SLC9A4: variants seen among roughly 807,000 people sequenced by gnomAD.
SLC9A4 encodes sodium/hydrogen exchanger 4.
SLC9A4 carries 63 observed loss-of-function variants against 67.4 expected under a neutral mutation model. That is an observed-to-expected ratio of 0.93 (90% CI 0.76 to 1.15). The LOEUF (loss-of-function observed/expected upper bound fraction) is 1.15, where lower values mean the gene tolerates loss of function less well. SLC9A4 is among the 50% of genes most tolerant of loss of function. The probability of loss-of-function intolerance (pLI) is 0.00; values close to 1 mark genes in which losing one functional copy is unlikely to be tolerated. For synonymous variants in SLC9A4, 393 were observed against 367.2 expected (o/e 1.07, Z -0.80); for missense variants, 1,089 against 987.7 (o/e 1.10, Z -1.38).
intron 4 of SLC9A4, among the ~76,000 whole-genome samples, chr2:102,506,456 A>G (rs1236038187): frequency 6.6e-6 from 1 of 152,212 alleles, no homozygotes; most frequent in Admixed American, 6.5e-5. Flanking sequence ...GGAATACAGA[A>G]ATATTAAAAT....
intron 3 of SLC9A4, 118 bp from the exon 4 acceptor site, chr2:102,505,136 G>A: frequency 1.2e-6 from 1 of 867,968 alleles, no homozygotes; most frequent in Non-Finnish European, 1.8e-6. Context: ...AAGGGAATAA[G>A]GGAGATATTC....
intron 4 of SLC9A4, among the ~76,000 whole-genome samples, chr2:102,506,697 G>C (rs1256456496): frequency 6.6e-6 from 1 of 152,132 alleles, no homozygotes; most frequent in Non-Finnish European, 1.5e-5. Context: ...GGGACTCTGG[G>C]AATCTACAGG....
At chr2:102,500,689 G>A (rs1684911844) in intron 2 of SLC9A4, among the ~76,000 whole-genome samples, 1 of 152,172 alleles carries the variant, frequency 6.6e-6, no homozygotes, top group African/African-American at 2.4e-5. Context: ...ACATAAGGGA[G>A]TAACAAAAAG....
chr2:102,502,450 A>T (rs2104431781), intron 2 of SLC9A4, among the ~76,000 whole-genome samples: 1 of 152,320 alleles, frequency 6.6e-6, no homozygotes, highest in East Asian at 1.9e-4. Flanking sequence ...TAGGTTAAAT[A>T]AAAAATGTGA....
chr2:102,525,066 G>A lies in SLC9A4; in HGVS notation c.1861G>A (p.Glu621Lys). 6.2e-7 allele frequency: 1 copy of A among 1,614,088 alleles called. No homozygotes were observed. Among genetic ancestry groups the A allele is most frequent in the Non-Finnish European group, 8.5e-7 (1 of 1,180,002 alleles). The change falls in exon 10 of 12, where the codon GAG becomes AAG. Residue 621 changes from glutamate (E) to lysine (K), a missense_variant. Glu to Lys is a moderately conservative substitution (Grantham distance 56, BLOSUM62 1). Transcript: ENST00000295269. ...ATACAACCTCAAACCCCAAACAAGT[G>A]AGAAGCAGGCTAAAGAGATTCTGAT... ...NKYNLKPQTS[E>K]KQAKEILIRR...
At chr2:102,523,217 A>T (rs1036223442) in intron 9 of SLC9A4, among the ~76,000 whole-genome samples, 12 of 151,800 alleles carry the variant, frequency 7.9e-5, no homozygotes, top group African/African-American at 2.9e-4. Flanking sequence ...TCAGTGATCC[A>T]CTTGTCTTGG....
chr2:102,473,521 T>C lies in SLC9A4; in HGVS notation c.-239T>C. 3.8e-6 allele frequency: 2 copies of C among 526,594 alleles called. No individual in the cohort carries two copies. The highest frequency in any genetic ancestry group is 6.7e-6 in the Non-Finnish European group (2 of 298,188). The allele number at this position is 526,594 out of a possible 1,614,324, so 32.6% of individuals were successfully genotyped here. ...AGCTCCATGGACTTTAACAAGTCTA[T>C]TGAATAACTGCATTTGAGTTGGAAG... is the stretch of plus-strand genomic sequence containing the variant. On this transcript the variant is annotated 5_prime_UTR_variant, in exon 1 of 12. Transcript: ENST00000295269.
intron 8 of SLC9A4, among the ~76,000 whole-genome samples, chr2:102,518,442 A>G (rs1685323052): frequency 6.6e-6 from 1 of 152,224 alleles, no homozygotes; most frequent in Non-Finnish European, 1.5e-5. Flanking sequence ...TATGTGAAGG[A>G]CATTTAAACA....
chr2:102,505,215 A>G, intron 3 of SLC9A4, 39 bp from the exon 4 acceptor site: 2 of 1,591,920 alleles, frequency 1.3e-6, no homozygotes, highest in Non-Finnish European at 1.7e-6. Context: ...GAGGGGGAAA[A>G]CCTCATGGAT....
intron 2 of SLC9A4, among the ~76,000 whole-genome samples, chr2:102,481,578 C>G (rs951032322): frequency 4.6e-5 from 7 of 151,980 alleles, no homozygotes; most frequent in Admixed American, 6.5e-5. Context: ...AATGTTGCGT[C>G]TTGCTCATTT....
chr2:102,509,814 T>C (rs1470906516), intron 6 of SLC9A4, among the ~76,000 whole-genome samples: 1 of 152,206 alleles, frequency 6.6e-6, no homozygotes, highest in African/African-American at 2.4e-5. Context: ...ACTCATTGAA[T>C]AACAGTTGTA....
At chr2:102,480,747 T>C (rs757515928) in intron 2 of SLC9A4, among the ~76,000 whole-genome samples, 12 of 152,196 alleles carry the variant, frequency 7.9e-5, no homozygotes, top group Non-Finnish European at 1.0e-4. Context: ...GCCTCCTTGG[T>C]AAATGAGAGA....
intron 10 of SLC9A4, among the ~76,000 whole-genome samples, chr2:102,525,914 C>T (rs779941183): frequency 2.0e-5 from 3 of 152,120 alleles, no homozygotes; most frequent in Non-Finnish European, 4.4e-5. Context: ...GACAGAGTCT[C>T]GCTCTGTCAC....
At chr2:102,478,546 C>T (rs1684380958) in intron 1 of SLC9A4, among the ~76,000 whole-genome samples, 1 of 152,180 alleles carries the variant, frequency 6.6e-6, no homozygotes, top group African/African-American at 2.4e-5. Context: ...CCTCGTTTCT[C>T]CTTTTCCCTC....
Position 102,473,608 on chromosome 2 carries a change from A to G in SLC9A4, c.-152A>G. 1.1e-6 allele frequency: 1 copy of G among 914,520 alleles called. No individual in the cohort carries two copies. Among genetic ancestry groups the G allele is most frequent in the Non-Finnish European group, 1.6e-6 (1 of 617,526 alleles). 56.7% of individuals were successfully genotyped at this position (914,520 alleles called of 1,614,324 possible). A position where few individuals can be genotyped will look rare whatever the true frequency, so the allele number is the denominator to read the frequency against. On this transcript the variant is annotated 5_prime_UTR_variant, in exon 1 of 12. Coordinates refer to ENST00000295269, the MANE Select transcript of SLC9A4 (RefSeq NM_001011552.4). ...AGAAAGTGTCTACATACAGAGCTCA[A>G]TAACACACTCGGAATCTTCTTGGGA... is the stretch of plus-strand genomic sequence containing the variant.
Position 102,510,103 on chromosome 2 carries a change from T to C in SLC9A4, c.1488+1170T>C, listed in dbSNP as rs1174442760. 2.6e-5 allele frequency among the ~76,000 whole-genome samples: 4 copies of C among 152,284 alleles called. No homozygotes were observed. The Middle Eastern group carries it at 0.01, about 388-fold the overall frequency. On this transcript the variant is annotated intron_variant, in intron 6 of 11. Transcript: ENST00000295269. ...GAATTGTGAGGGTCCGACATCTTTC[T>C]TTCATTTTGTCCTCCTTTTTTGTCC...
At chr2:102,502,178 T>C (rs1573341098) in intron 2 of SLC9A4, among the ~76,000 whole-genome samples, 1 of 152,206 alleles carries the variant, frequency 6.6e-6, no homozygotes, top group African/African-American at 2.4e-5. Context: ...AGATCTTCGT[T>C]CAGCTCTTCT....
At chr2:102,514,383 T>A in intron 8 of SLC9A4, 132 bp downstream of exon 8, 1 of 586,952 alleles carries the variant, frequency 1.7e-6, no homozygotes, top group Non-Finnish European at 2.7e-6. Context: ...TTTTAAAATA[T>A]GTAATCTAAG....
chr2:102,532,688 G>C lies in SLC9A4; in HGVS notation c.2397G>C (p.Ter799TyrextTer18). ...RSHSPLLQKK* is the reference protein window; with the variant it reads ...RSHSPLLQKKY The stretch of plus-strand genomic sequence containing the variant: ...ATAGTCCTTTGCTCCAAAAAAAATA[G>C]TGTTATTGTCCACAAGATTGTTTTG... Residue 799 changes from the stop codon to tyrosine (Y), a stop_lost, in exon 12 of 12, where the codon TAG (stop) becomes TAC (tyrosine). Coordinates refer to ENST00000295269, the MANE Select transcript of SLC9A4 (RefSeq NM_001011552.4). The C allele has an allele frequency of 6.2e-7, 1 of 1,610,758 alleles. No individual in the cohort carries two copies. The highest frequency in any genetic ancestry group is 1.1e-5 in the South Asian group (1 of 90,860).
Sources: allele counts gnomAD v4.1 joint callset (sites outside exome capture counted in the v4.1 genomes callset), GRCh38; gene constraint gnomAD v4.1.1; transcripts MANE v1.5; gene names NCBI Gene and HGNC (gene_info 2026-07-23, HGNC 2026-07-21).